Variants in MOB3B observed in about 807,000 individuals in gnomAD.
MOB3B encodes the protein MOB kinase activator-like 2B.
Under a neutral mutation model 18.7 loss-of-function variants are expected in MOB3B, and 7 were observed. That is an observed-to-expected ratio of 0.37 (90% CI 0.21 to 0.70). The LOEUF (loss-of-function observed/expected upper bound fraction) is 0.70. Ranked by LOEUF, MOB3B falls within the 30% of genes least tolerant of loss-of-function variation. The pLI, the probability that MOB3B is intolerant of heterozygous loss-of-function variation, is 0.52. For missense variants in MOB3B, 253 were observed against 281.3 expected, an observed-to-expected ratio of 0.90 and a Z score of 0.72; for synonymous variants, 111 against 99.9, an observed-to-expected ratio of 1.11 and a Z score of -0.66.
intron 2 of MOB3B, among the ~76,000 whole-genome samples, chr9:27,380,552 C>T (rs1365841435): frequency 6.6e-6 from 1 of 152,138 alleles, no homozygotes; most frequent in African/African-American, 2.4e-5. Flanking sequence ...ATAGGAATTC[C>T]ATACTATAAG....
intron 2 of MOB3B, among the ~76,000 whole-genome samples, chr9:27,439,508 C>G (rs1822563253): frequency 6.6e-6 from 1 of 152,096 alleles, no homozygotes; most frequent in Admixed American, 6.6e-5. Flanking sequence ...TGGCACAAAT[C>G]TTTTTAGTTT....
chr9:27,405,679 A>T (rs1264266985), intron 2 of MOB3B, among the ~76,000 whole-genome samples: 2 of 152,214 alleles, frequency 1.3e-5, no homozygotes, highest in Non-Finnish European at 2.9e-5. Flanking sequence ...CAAAAAAAGA[A>T]AACTATAGGC....
Position 27,499,470 on chromosome 9 carries a change from G to A in MOB3B, c.-199+30085C>T, listed in dbSNP as rs140596219. Among the ~76,000 whole-genome samples, 10 of 152,306 alleles carry A rather than the reference G, an allele frequency of 6.6e-5. No individual in the cohort carries two copies. The East Asian group carries it at 1.3e-3, about 21-fold the overall frequency. On this transcript the variant is annotated intron_variant, in intron 1 of 3. Transcript: ENST00000262244. The stretch of plus-strand genomic sequence containing the variant: ...TTTAAAACTCATGGAAAGGAAATAT[G>A]TCAGGTTAAGACATCTTTATCTGTT...
intron 1 of MOB3B, among the ~76,000 whole-genome samples, chr9:27,473,343 C>T (rs1187467132): frequency 2.0e-5 from 3 of 152,076 alleles, no homozygotes; most frequent in Admixed American, 6.5e-5. Flanking sequence ...AGGGTGGGGT[C>T]GTGCTGGGAC....
chr9:27,417,530 C>G (rs1822171331), intron 2 of MOB3B, among the ~76,000 whole-genome samples: 1 of 152,186 alleles, frequency 6.6e-6, no homozygotes, highest in African/African-American at 2.4e-5. Context: ...CACAGCCTCC[C>G]TGTGCCCAGC....
intron 2 of MOB3B, among the ~76,000 whole-genome samples, chr9:27,439,359 C>T (rs1563868947): frequency 6.6e-6 from 1 of 152,274 alleles, no homozygotes; most frequent in East Asian, 1.9e-4. Flanking sequence ...CCTTCTCTTC[C>T]TAGCCGGTGA....
At chr9:27,518,871 A>T (rs1196000740) in intron 1 of MOB3B, among the ~76,000 whole-genome samples, 1 of 152,230 alleles carries the variant, frequency 6.6e-6, no homozygotes, top group Admixed American at 6.5e-5. Flanking sequence ...TTTTGATTAA[A>T]CTAACATTTA....
chr9:27,398,854 G>C (rs1250698106), intron 2 of MOB3B, among the ~76,000 whole-genome samples: 1 of 152,128 alleles, frequency 6.6e-6, no homozygotes, highest in East Asian at 1.9e-4. Context: ...TACTCAAAAG[G>C]TATATACAAT....
chr9:27,503,441 G>A (rs762363229), intron 1 of MOB3B, among the ~76,000 whole-genome samples: 10 of 152,214 alleles, frequency 6.6e-5, no homozygotes, highest in Admixed American at 3.3e-4. Flanking sequence ...AAGTGGAGGC[G>A]GATCCAGCCC....
chr9:27,431,656 C>T (rs1285754904), intron 2 of MOB3B, among the ~76,000 whole-genome samples: 2 of 152,176 alleles, frequency 1.3e-5, no homozygotes, highest in East Asian at 1.9e-4. Context: ...TTTCAGGTCC[C>T]CTTCCAGTCT....
At chr9:27,357,799 C>A (rs984266717) in intron 3 of MOB3B, among the ~76,000 whole-genome samples, 1 of 148,878 alleles carries the variant, frequency 6.7e-6, no homozygotes, top group Non-Finnish European at 1.5e-5. Flanking sequence ...CACCTGTAAT[C>A]CCAGCACTTT....
Position 27,359,159 on chromosome 9 carries a change from A to C in MOB3B, c.496T>G (p.Tyr166Asp). 6.2e-7 allele frequency: 1 copy of C among 1,614,182 alleles called. No homozygotes were observed. Among genetic ancestry groups the C allele is most frequent in the South Asian group, 1.1e-5 (1 of 91,074 alleles). ...CRLFRVFVHV[Y>D]IHHFDRVIVM... is the part of the protein sequence containing the mutation. Reference sequence around the variant, plus strand: ...ATGACCCGGTCGAAGTGGTGGATATAGACGTGGACAAAGACCCGGAAAAGG... The same window carrying C: ...ATGACCCGGTCGAAGTGGTGGATATCGACGTGGACAAAGACCCGGAAAAGG... Residue 166 changes from tyrosine (Y) to aspartate (D), a missense_variant, in exon 3 of 4, where the codon TAT becomes GAT. Transcript: ENST00000262244.
chr9:27,403,085 TCTGGCTCTGATGACCA>T (rs1408377720), intron 2 of MOB3B, among the ~76,000 whole-genome samples: 2 of 152,156 alleles, frequency 1.3e-5, no homozygotes, highest in South Asian at 2.1e-4. Flanking sequence ...AAGTTTGGTA[TCTGGCTCTGATGACCA>T]CTGGCTCTGA....
At chr9:27,464,396 C>T (rs1190767648) in intron 1 of MOB3B, among the ~76,000 whole-genome samples, 1 of 152,120 alleles carries the variant, frequency 6.6e-6, no homozygotes, top group African/African-American at 2.4e-5. Context: ...CACACTTACC[C>T]TAATATTTTG....
At chr9:27,475,989 C>T (rs929138772) in intron 1 of MOB3B, among the ~76,000 whole-genome samples, 1 of 152,198 alleles carries the variant, frequency 6.6e-6, no homozygotes, top group African/African-American at 2.4e-5. Context: ...CCTCTTCAAG[C>T]CCTACAATGG....
At chr9:27,415,993 A>C (rs1285865465) in intron 2 of MOB3B, among the ~76,000 whole-genome samples, 2 of 152,220 alleles carry the variant, frequency 1.3e-5, no homozygotes, top group African/African-American at 4.8e-5. Context: ...ATCTGTAGGT[A>C]ATCCTAAAAG....
At chr9:27,469,179 G>A (rs567254825) in intron 1 of MOB3B, among the ~76,000 whole-genome samples, 1 of 152,244 alleles carries the variant, frequency 6.6e-6, no homozygotes, top group East Asian at 1.9e-4. Context: ...TGTTGCCCAG[G>A]CTGGTCTTGA....
At chr9:27,381,670 A>G (rs1168350911) in intron 2 of MOB3B, among the ~76,000 whole-genome samples, 4 of 152,120 alleles carry the variant, frequency 2.6e-5, no homozygotes, top group Non-Finnish European at 4.4e-5. Context: ...TTTAAGAGAC[A>G]GGGTCTCACT....
chr9:27,386,889 C>T (rs779818991), intron 2 of MOB3B, among the ~76,000 whole-genome samples: 3 of 152,196 alleles, frequency 2.0e-5, no homozygotes, highest in Non-Finnish European at 4.4e-5. Flanking sequence ...GAAGTGTGAG[C>T]TCTCATCCCT....
Sources: allele counts gnomAD v4.1 joint callset (sites outside exome capture counted in the v4.1 genomes callset), GRCh38; gene constraint gnomAD v4.1.1; transcripts MANE v1.5; gene names NCBI Gene and HGNC (gene_info 2026-07-23, HGNC 2026-07-21).